MARCHF7: variants seen among roughly 807,000 people sequenced by gnomAD.
MARCHF7 encodes membrane associated ring-CH-type finger 7, also known as E3 ubiquitin-protein ligase MARCHF7.
Under a neutral mutation model 76.5 loss-of-function variants are expected in MARCHF7, and 20 were observed. That is an observed-to-expected ratio of 0.26 (90% CI 0.18 to 0.38). The LOEUF (loss-of-function observed/expected upper bound fraction) is 0.38. MARCHF7 is among the 10% of genes least tolerant of loss of function. The pLI is 1.00. For synonymous variants in MARCHF7, 295 were observed against 293.0 expected (o/e 1.01, Z -0.07); for missense variants, 797 against 812.9 (o/e 0.98, Z 0.24).
chr2:159,734,573 A>G (rs962322794), intron 4 of MARCHF7, among the ~76,000 whole-genome samples: 2 of 152,316 alleles, frequency 1.3e-5, no homozygotes, highest in Non-Finnish European at 2.9e-5. Flanking sequence ...TAACATTGAT[A>G]GGCATTGCAT....
chr2:159,717,032 T>C (rs1701116075), intron 3 of MARCHF7, among the ~76,000 whole-genome samples: 1 of 152,208 alleles, frequency 6.6e-6, no homozygotes, highest in African/African-American at 2.4e-5. Flanking sequence ...TTTCCCTGGC[T>C]GGGAGATCCA....
intron 8 of MARCHF7, among the ~76,000 whole-genome samples, chr2:159,758,770 C>T (rs1232559860): frequency 6.6e-6 from 1 of 152,160 alleles, no homozygotes; most frequent in Non-Finnish European, 1.5e-5. Context: ...TCCTTAAACT[C>T]CAAAAGGTCT....
intron 10 of MARCHF7, among the ~76,000 whole-genome samples, chr2:159,764,271 A>G (rs1707493645): frequency 7.2e-6 from 1 of 138,744 alleles, no homozygotes; most frequent in South Asian, 2.3e-4. Context: ...CGCCCACTGA[A>G]ACTGAATTTA....
intron 4 of MARCHF7, among the ~76,000 whole-genome samples, chr2:159,740,656 T>C (rs1221194476): frequency 6.6e-6 from 1 of 152,216 alleles, no homozygotes; most frequent in East Asian, 1.9e-4. Flanking sequence ...ATTGATTGGG[T>C]GTCTGTAATA....
At chr2:159,749,905 CTG>C (rs1292385190) in intron 7 of MARCHF7, among the ~76,000 whole-genome samples, 1 of 152,178 alleles carries the variant, frequency 6.6e-6, no homozygotes, top group Non-Finnish European at 1.5e-5. Context: ...ACCAATAAAT[CTG>C]TCTTAGCCTT....
Position 159,752,417 on chromosome 2 carries a change from C to T in MARCHF7, c.1629C>T (p.Asp543=). The T allele has an allele frequency of 3.1e-6, 5 of 1,588,606 alleles. No individual in the cohort carries two copies. The highest frequency in any genetic ancestry group is 4.3e-6 in the Non-Finnish European group (5 of 1,169,686). The change falls in exon 8 of 12, where the codon GAC becomes GAT. Residue 543 remains aspartate, a synonymous_variant. Transcript: ENST00000409175. ...TCTTTTCCAGCCTCCTTTTAGAGGACTCAGAAGAAGAAGAAGGTGACTTAT... is the reference window on the plus strand; with the variant it reads ...TCTTTTCCAGCCTCCTTTTAGAGGATTCAGAAGAAGAAGAAGGTGACTTAT... ...QKIKESLLLE[D]SEEEEGDLCR...
At chr2:159,732,916 G>A in intron 4 of MARCHF7, 2 of 985,252 alleles carry the variant, frequency 2.0e-6, no homozygotes, top group African/African-American at 1.7e-5. Context: ...TATGTGAGAT[G>A]TAAGATGAAC....
intron 9 of MARCHF7, among the ~76,000 whole-genome samples, chr2:159,761,406 C>CT (rs747902045): frequency 0.023 from 1,705 of 73,570 alleles, 294 homozygotes; most frequent in African/African-American, 0.08. Context: ...TGAATCATTT[C>CT]TTTTTTTTTT....
At position 159,761,406 on chromosome 2, in the gene MARCHF7, C is replaced by CTTTTTTTTTTTT. The variant is rs747902045; in HGVS notation, c.1894-1460_1894-1449dup. The stretch of plus-strand genomic sequence containing the variant: ...ACAATAATTATTAAGTGAATCATTT[C>CTTTTTTTTTTTT]TTTTTTTTTTTTTTTTTTTTTTTTT... On this transcript the variant is annotated intron_variant, in intron 9 of 11. Transcript: ENST00000409175. 1.2e-3 allele frequency among the ~76,000 whole-genome samples: 85 copies of CTTTTTTTTTTTT among 73,752 alleles called. 13 individuals are homozygous for CTTTTTTTTTTTT. Among genetic ancestry groups the CTTTTTTTTTTTT allele is most frequent in the Non-Finnish European group, 1.6e-3 (69 of 42,064 alleles). 48.4% of individuals were successfully genotyped at this position (73,752 alleles called of 152,430 possible). A position where few individuals can be genotyped will look rare whatever the true frequency, so the allele number is the denominator to read the frequency against.
At chr2:159,728,111 CT>C (rs1702380914) in intron 3 of MARCHF7, among the ~76,000 whole-genome samples, 1 of 152,158 alleles carries the variant, frequency 6.6e-6, no homozygotes, top group South Asian at 2.1e-4. Flanking sequence ...TTGAGAAACA[CT>C]TTATTAGCTG....
chr2:159,715,727 G>A lies in MARCHF7; in HGVS notation c.-54G>A, dbSNP rs1234835444. 5 of 152,012 alleles carry A rather than the reference G, an allele frequency of 3.3e-5. 1 individual carries two copies. The highest frequency in any genetic ancestry group is 4.2e-4 in the South Asian group (2 of 4,814). 9.4% of individuals were successfully genotyped at this position (152,012 alleles called of 1,614,324 possible). A position where few individuals can be genotyped will look rare whatever the true frequency, so the allele number is the denominator to read the frequency against. On this transcript the variant is annotated 5_prime_UTR_variant, in exon 3 of 12. Coordinates refer to ENST00000409175, the MANE Select transcript of MARCHF7 (RefSeq NM_001282805.2). Reference sequence around the variant, plus strand: ...TACATGGTCAGAGCTGGTTTTTCCTGCCCTCAAATATATTTCTCTGACTCT... The same window carrying A: ...TACATGGTCAGAGCTGGTTTTTCCTACCCTCAAATATATTTCTCTGACTCT...
At chr2:159,749,060 C>T (rs566438053) in intron 7 of MARCHF7, among the ~76,000 whole-genome samples, 157 bp downstream of exon 7, 2 of 149,560 alleles carry the variant, frequency 1.3e-5, no homozygotes, top group South Asian at 2.1e-4. Flanking sequence ...CTCACTGCAG[C>T]CTCGGCCTTC....
At position 159,743,077 on chromosome 2, in the gene MARCHF7, C is replaced by T. The variant is rs759007612; in HGVS notation, c.170C>T (p.Ala57Val). The T allele has an allele frequency of 1.2e-6, 2 of 1,613,488 alleles. No homozygotes were observed. Among genetic ancestry groups the T allele is most frequent in the South Asian group, 1.1e-5 (1 of 90,964 alleles). ...AACTCACAGTCTACATCAGCATCAGCATCTGCGTCACCATTTCAATCTGCA... is the reference window on the plus strand; with the variant it reads ...AACTCACAGTCTACATCAGCATCAGTATCTGCGTCACCATTTCAATCTGCA... Reference protein sequence around the residue: ...DSEYQSTSASASASPFQSAWY... With the variant: ...DSEYQSTSASVSASPFQSAWY... The change falls in exon 5 of 12, where the codon GCA (alanine) becomes GTA (valine). Residue 57 changes from alanine (A) to valine (V), a missense_variant. Ala to Val is a moderately conservative substitution (Grantham distance 64). Transcript: ENST00000409175.
chr2:159,760,145 T>A (rs906964052), intron 9 of MARCHF7, among the ~76,000 whole-genome samples: 2 of 152,200 alleles, frequency 1.3e-5, no homozygotes, highest in African/African-American at 4.8e-5. Flanking sequence ...CAACTACCAG[T>A]CTGTGTTGTT....
intron 8 of MARCHF7, among the ~76,000 whole-genome samples, 174 bp from the exon 9 acceptor site, chr2:159,759,052 A>G (rs1706679257): frequency 6.6e-6 from 1 of 152,220 alleles, no homozygotes; most frequent in Non-Finnish European, 1.5e-5. Flanking sequence ...CACATTGGAT[A>G]TTATAGACTG....
At chr2:159,716,992 C>A (rs140590958) in intron 3 of MARCHF7, among the ~76,000 whole-genome samples, 3 of 152,218 alleles carry the variant, frequency 2.0e-5, no homozygotes, top group African/African-American at 7.2e-5. Flanking sequence ...CCGGGGCTTA[C>A]TCCTCATGTA....
intron 4 of MARCHF7, 132 bp from the exon 5 acceptor site, chr2:159,742,929 T>G (rs1489385637): frequency 1.3e-6 from 1 of 773,788 alleles, no homozygotes; most frequent in East Asian, 2.8e-5. Flanking sequence ...AGAGCAAGAC[T>G]CAGTCTCAAA....
intron 4 of MARCHF7, among the ~76,000 whole-genome samples, chr2:159,742,281 A>G (rs2125540476): frequency 6.6e-6 from 1 of 151,682 alleles, no homozygotes. Context: ...TACTGTTACT[A>G]GTGTTGTATG....
At chr2:159,735,338 G>A (rs1703326261) in intron 4 of MARCHF7, among the ~76,000 whole-genome samples, 1 of 152,170 alleles carries the variant, frequency 6.6e-6, no homozygotes, top group South Asian at 2.1e-4. Flanking sequence ...AAATTTGCAA[G>A]TATCTTTAAA....
Sources: allele counts gnomAD v4.1 joint callset (sites outside exome capture counted in the v4.1 genomes callset), GRCh38; gene constraint gnomAD v4.1.1; transcripts MANE v1.5; gene names NCBI Gene and HGNC (gene_info 2026-07-23, HGNC 2026-07-21).